Variants in CYB561 observed in about 807,000 individuals in gnomAD.
CYB561 encodes the protein cytochrome b561, also known as transmembrane ascorbate-dependent reductase CYB561.
A neutral mutation model predicts 25.3 loss-of-function variants in CYB561; 11 were observed. The observed-to-expected ratio is 0.44, with a 90% CI of 0.27 to 0.72. The LOEUF (loss-of-function observed/expected upper bound fraction) is 0.72, where lower values mean the gene tolerates loss of function less well. CYB561 is among the 30% of genes least tolerant of loss of function. The pLI, the probability that CYB561 is intolerant of heterozygous loss-of-function variation, is 0.18. For synonymous variants in CYB561, 165 were observed against 158.8 expected (o/e 1.04, Z -0.29); for missense variants, 295 against 334.9 (o/e 0.88, Z 0.93).
chr17:63,435,886 T>C (rs937281770), intron 3 of CYB561, 95 bp from the exon 4 acceptor site: 1 of 1,579,656 alleles, frequency 6.3e-7, no homozygotes, highest in African/African-American at 1.4e-5. Context: ...ACTTCTGGGC[T>C]TTAGTCCCAG....
At chr17:63,437,223 G>C in intron 2 of CYB561, 123 bp downstream of exon 2, 1 of 787,036 alleles carries the variant, frequency 1.3e-6, no homozygotes, top group Non-Finnish European at 2.1e-6. Flanking sequence ...TTCTGTCTCT[G>C]TCTTTTCTAG....
chr17:63,434,681 T>C (rs2049274490), intron 5 of CYB561, 87 bp from the exon 6 acceptor site: 4 of 1,226,976 alleles, frequency 3.3e-6, no homozygotes, highest in Middle Eastern at 2.1e-4. Context: ...AAAGATGCCA[T>C]GGGGATTCCA....
At chr17:63,446,484 G>A (rs1385566060), upstream of CYB561, 1 of 152,098 alleles carries the variant, frequency 6.6e-6, no homozygotes, top group Non-Finnish European at 1.5e-5. Context: ...TGGGCGAACC[G>A]CGGCCACCGT....
intron 4 of CYB561, 99 bp from the exon 5 acceptor site, chr17:63,435,342 G>A: frequency 7.5e-7 from 1 of 1,330,132 alleles, no homozygotes; most frequent in Non-Finnish European, 1.1e-6. Flanking sequence ...TGGCGACTGT[G>A]AGCCCCTCAG....
Position 63,436,468 on chromosome 17 carries a change from G to T in CYB561, c.203-316C>A. On this transcript the variant is annotated intron_variant, in intron 2 of 5. Transcript: ENST00000360793. The surrounding 1 kb of genome is among the most constrained non-coding windows in gnomAD (Gnocchi z 4.8). ...ACCACCAGGACAGGCAGTGAAGGCA[G>T]CGCCTCTGCCCTCGTCCCCACCTAA... The T allele has an allele frequency of 6.9e-6, 2 of 291,432 alleles. No homozygotes were observed. The highest frequency in any genetic ancestry group is 9.5e-5 in the South Asian group (2 of 20,980). The allele number at this position is 291,432 out of a possible 1,614,324, so 18.1% of individuals were successfully genotyped here.
rs75122167 is a variant in CYB561 at position 63,436,421 on chromosome 17, C to T, written c.203-269G>A. Reference sequence around the variant, plus strand: ...CAGCTGTGCACAAAGAGGGCAGGGCCGGAGGCTGCACCACAGTCCCCACCA... The same window carrying T: ...CAGCTGTGCACAAAGAGGGCAGGGCTGGAGGCTGCACCACAGTCCCCACCA... On this transcript the variant is annotated intron_variant, in intron 2 of 5. Coordinates refer to ENST00000360793, the MANE Select transcript of CYB561 (RefSeq NM_001915.4). This position sits in a 1 kb window ranked among gnomAD's most constrained non-coding sequence, Gnocchi z 4.8. 8.6e-3 allele frequency: 3,588 copies of T among 415,550 alleles called. 98 individuals are homozygous for T. The highest frequency in any genetic ancestry group is 0.062 in the African/African-American group (3,091 of 49,686). 25.7% of individuals were successfully genotyped at this position (415,550 alleles called of 1,614,324 possible).
chr17:63,445,745 C>T (rs1293480110), intron 1 of CYB561, among the ~76,000 whole-genome samples: 1 of 152,210 alleles, frequency 6.6e-6, no homozygotes, highest in African/African-American at 2.4e-5. Context: ...CCCACCCTCG[C>T]GCTCAGAAGC....
intron 4 of CYB561, 146 bp downstream of exon 4, chr17:63,435,542 C>T (rs2049287274): frequency 1.3e-6 from 1 of 773,624 alleles, no homozygotes; most frequent in Non-Finnish European, 2.2e-6. Flanking sequence ...TAGCTTTGCA[C>T]CCGCACAGGC....
chr17:63,434,439 T>G lies in CYB561; in HGVS notation c.719A>C (p.Lys240Thr). Residue 240 changes from lysine to threonine, a missense_variant, in exon 6 of 6, where the codon AAG (lysine) becomes ACG (threonine). Transcript: ENST00000360793. The stretch of plus-strand genomic sequence containing the variant: ...GGGGCTATCTCCCTCCGTCAGCGTC[T>G]TGAAGTCCATGGAGAGGGCCTGCTC... ...AEEQALSMDF[K>T]TLTEGDSPGS... The G allele has an allele frequency of 6.3e-7, 1 of 1,596,022 alleles. No homozygotes were observed. The highest frequency in any genetic ancestry group is 8.5e-7 in the Non-Finnish European group (1 of 1,171,254).
chr17:63,437,864 C>G, intron 1 of CYB561: 1 of 359,060 alleles, frequency 2.8e-6, no homozygotes. Context: ...ATGCACACAG[C>G]ACCCCCAGAT....
intron 1 of CYB561, among the ~76,000 whole-genome samples, chr17:63,445,005 G>A (rs752491503): frequency 6.6e-5 from 10 of 152,122 alleles, no homozygotes; most frequent in Non-Finnish European, 5.9e-5. Flanking sequence ...GTGAAACCCC[G>A]TCTCTCCTAA....
At chr17:63,434,955 G>T in intron 5 of CYB561, 131 bp downstream of exon 5, 1 of 986,620 alleles carries the variant, frequency 1.0e-6, no homozygotes, top group Non-Finnish European at 1.5e-6. Flanking sequence ...ATCTTAGCAA[G>T]CATAACTACA....
chr17:63,437,353 C>G lies in CYB561; in HGVS notation c.195G>C (p.Gln65His). The G allele has an allele frequency of 3.1e-6, 5 of 1,613,170 alleles. No individual in the cohort carries two copies. The highest frequency in any genetic ancestry group is 4.2e-6 in the Non-Finnish European group (5 of 1,179,282). The change falls in exon 2 of 6, where the codon CAG becomes CAC. Residue 65 changes from glutamine (Q) to histidine (H), a missense_variant. Coordinates refer to ENST00000360793, the MANE Select transcript of CYB561 (RefSeq NM_001915.4). ...GCGGCCCATGGGACTCACCATTTCC[C>G]TGCAGGAAGATCAGGCCTATGACCA... ...LCMVIGLIFL[Q>H]GNALLVYRVF... is the part of the protein sequence containing the mutation.
intron 1 of CYB561, chr17:63,437,975 G>GCCC: frequency 2.2e-5 from 2 of 89,530 alleles, no homozygotes; most frequent in Non-Finnish European, 2.0e-5. Context: ...CGGCGGCCCC[G>GCCC]CCACCCTCCC....
rs1433803394 is a variant in CYB561 at position 63,433,637 on chromosome 17, C to G, written c.*765G>C. On this transcript the variant is annotated 3_prime_UTR_variant, in exon 6 of 6. Transcript: ENST00000360793. ...AAGGGGGGTGCTACAAGGAGGGAGCCCCAGCAGGAAGGGGCTGCAAGGTGC... is the reference window on the plus strand; with the variant it reads ...AAGGGGGGTGCTACAAGGAGGGAGCGCCAGCAGGAAGGGGCTGCAAGGTGC... 2.7e-6 allele frequency: 1 copy of G among 372,832 alleles called. No individual in the cohort carries two copies. Among genetic ancestry groups the G allele is most frequent in the Non-Finnish European group, 4.7e-6 (1 of 210,868 alleles). 23.1% of individuals were successfully genotyped at this position (372,832 alleles called of 1,614,324 possible). A position where few individuals can be genotyped will look rare whatever the true frequency, so the allele number is the denominator to read the frequency against.
intron 1 of CYB561, chr17:63,440,302 C>A: frequency 2.5e-6 from 1 of 398,708 alleles, no homozygotes; most frequent in Non-Finnish European, 4.4e-6. Context: ...TGCCCTTCTT[C>A]CGGGCCCAGG....
chr17:63,432,792 G>C lies in CYB561; in HGVS notation c.*1610C>G, dbSNP rs1473846753. On this transcript the variant is annotated 3_prime_UTR_variant, in exon 6 of 6. Coordinates refer to ENST00000360793, the MANE Select transcript of CYB561 (RefSeq NM_001915.4). The stretch of plus-strand genomic sequence containing the variant: ...CCCAGAAATGACACTGCCTGAGGCA[G>C]GAGACACAGCAAAAGCCAACTATGG... The C allele has an allele frequency of 6.6e-6, 1 of 152,312 alleles. No individual in the cohort carries two copies. The highest frequency in any genetic ancestry group is 1.5e-5 in the Non-Finnish European group (1 of 68,112). The allele number at this position is 152,312 out of a possible 1,614,324, so 9.4% of individuals were successfully genotyped here.
At chr17:63,445,711 T>C (rs116130244) in intron 1 of CYB561, among the ~76,000 whole-genome samples, 1,629 of 152,148 alleles carry the variant, frequency 0.011, 26 homozygotes, top group African/African-American at 0.031. Flanking sequence ...ACCGAAGCCA[T>C]GGGGCTTTCC....
chr17:63,439,003 C>G (rs770982263), intron 1 of CYB561: 1 of 152,540 alleles, frequency 6.6e-6, no homozygotes, highest in African/African-American at 2.4e-5. Context: ...CCCCCCATCC[C>G]GCCCCGGTTC....
Sources: allele counts gnomAD v4.1 joint callset (sites outside exome capture counted in the v4.1 genomes callset), GRCh38; gene constraint gnomAD v4.1.1; non-coding constraint Gnocchi (gnomAD v3.1); transcripts MANE v1.5; gene names NCBI Gene and HGNC (gene_info 2026-07-23, HGNC 2026-07-21).